Variants in STK24 observed in about 807,000 individuals in gnomAD.
STK24 encodes serine/threonine kinase 24.
In STK24, 21 loss-of-function variants were observed where a neutral mutation model predicts 55.6. The ratio of observed to expected loss-of-function variants is 0.38; its 90% CI spans 0.27 to 0.54. STK24 has a LOEUF of 0.54. Among genes scored for constraint, STK24 ranks in the 20% least tolerant of loss-of-function variants. The pLI, the probability that STK24 is intolerant of heterozygous loss-of-function variation, is 0.79. For missense variants in STK24, 383 were observed against 538.4 expected (o/e 0.71, Z 2.86); for synonymous variants, 200 against 215.2 (o/e 0.93, Z 0.62).
chr13:98,560,294 C>T (rs553886015), intron 1 of STK24, among the ~76,000 whole-genome samples: 4 of 152,298 alleles, frequency 2.6e-5, no homozygotes, highest in East Asian at 1.9e-4. Flanking sequence ...GCACCTTGTA[C>T]GGGATGAAAA....
chr13:98,482,394 T>C (rs1566360320), intron 2 of STK24, 73 bp from the exon 3 acceptor site: 2 of 831,152 alleles, frequency 2.4e-6, no homozygotes, highest in Non-Finnish European at 3.9e-6. Flanking sequence ...AATCAAAGGG[T>C]ATTTTTCACA....
At chr13:98,462,192 C>T (rs538434821) in intron 7 of STK24, among the ~76,000 whole-genome samples, 4 of 152,274 alleles carry the variant, frequency 2.6e-5, no homozygotes, top group Admixed American at 2.6e-4. Context: ...CCTGGGAGCC[C>T]ATCTCTGGGA....
chr13:98,518,094 C>T (rs1896129448), intron 2 of STK24, among the ~76,000 whole-genome samples: 2 of 152,214 alleles, frequency 1.3e-5, no homozygotes, highest in Non-Finnish European at 2.9e-5. Flanking sequence ...TGACACCTGA[C>T]TCCAAAACTC....
At chr13:98,502,523 T>C (rs1895513983) in intron 2 of STK24, among the ~76,000 whole-genome samples, 1 of 152,226 alleles carries the variant, frequency 6.6e-6, no homozygotes, top group African/African-American at 2.4e-5. Context: ...TGGGGCCTTA[T>C]AAGAGGTACT....
chr13:98,541,870 C>A (rs1462509076), intron 1 of STK24, among the ~76,000 whole-genome samples: 1 of 152,196 alleles, frequency 6.6e-6, no homozygotes, highest in African/African-American at 2.4e-5. Context: ...CACATAAATT[C>A]CGGGAAATGT....
chr13:98,470,470 G>A (rs907480666), intron 5 of STK24, among the ~76,000 whole-genome samples: 3 of 152,182 alleles, frequency 2.0e-5, no homozygotes, highest in Non-Finnish European at 4.4e-5. Flanking sequence ...TGGGGAGCAG[G>A]CAGTCATCTT....
intron 2 of STK24, 110 bp downstream of exon 2, chr13:98,519,133 T>C: frequency 1.2e-6 from 1 of 831,288 alleles, no homozygotes; most frequent in Admixed American, 2.2e-5. Flanking sequence ...AAAACATCTC[T>C]CCTTGCTCTG....
At chr13:98,516,418 T>C (rs1438854590) in intron 2 of STK24, among the ~76,000 whole-genome samples, 1 of 152,234 alleles carries the variant, frequency 6.6e-6, no homozygotes, top group African/African-American at 2.4e-5. Context: ...GACCACTCCC[T>C]GAGCTATTCC....
In STK24 at chr13:98,446,562, G is replaced by C; in HGVS notation, c.*6611C>G. The C allele has an allele frequency of 8.1e-7, 1 of 1,230,506 alleles. No homozygotes were observed. The highest frequency in any genetic ancestry group is 1.2e-6 in the Non-Finnish European group (1 of 855,254). The allele number at this position is 1,230,506 out of a possible 1,614,324, so 76.2% of individuals were successfully genotyped here. ...CCTTCCAGGCCCACGCCCGAGGAGG[G>C]AGCTGCCTGGGCTCCCAAGTCCCTG... On this transcript the variant is annotated 3_prime_UTR_variant, in exon 11 of 11. Transcript: ENST00000539966.
intron 1 of STK24, among the ~76,000 whole-genome samples, chr13:98,520,982 C>T (rs1358568506): frequency 6.6e-6 from 1 of 152,220 alleles, no homozygotes; most frequent in African/African-American, 2.4e-5. Context: ...CCAAGGCTTG[C>T]GTGGTGGACA....
intron 2 of STK24, among the ~76,000 whole-genome samples, chr13:98,514,744 G>A (rs1469540915): frequency 6.6e-6 from 1 of 152,068 alleles, no homozygotes; most frequent in Non-Finnish European, 1.5e-5. Flanking sequence ...ATGTTTGAGA[G>A]GAATAAATAA....
chr13:98,478,007 G>A lies in STK24; in HGVS notation c.331-2649C>T, dbSNP rs1894444293. Reference sequence around the variant, plus strand: ...TTATATGCCCATGGGGAACGAGGAGGAAGGGGAGAAAAAGAGATAAAACTC... The same window carrying A: ...TTATATGCCCATGGGGAACGAGGAGAAAGGGGAGAAAAAGAGATAAAACTC... On this transcript the variant is annotated intron_variant, in intron 3 of 10. Coordinates refer to ENST00000539966, the MANE Select transcript of STK24 (RefSeq NM_001032296.4). Among the ~76,000 whole-genome samples the A allele has an allele frequency of 2.6e-5, 4 of 152,168 alleles. No homozygotes were observed. In the South Asian group the frequency reaches 8.3e-4, roughly 32 times the overall value.
intron 6 of STK24, among the ~76,000 whole-genome samples, chr13:98,465,990 T>C (rs1893913782): frequency 6.6e-6 from 1 of 152,212 alleles, no homozygotes; most frequent in Admixed American, 6.5e-5. Context: ...ACCTGGAAAG[T>C]GAAAACATTT....
At chr13:98,534,921 C>G (rs1335393285) in intron 1 of STK24, among the ~76,000 whole-genome samples, 2 of 152,238 alleles carry the variant, frequency 1.3e-5, no homozygotes, top group African/African-American at 4.8e-5. Context: ...GAATTAAACT[C>G]TTTGTCTATT....
chr13:98,513,789 A>G (rs550986471), intron 2 of STK24, among the ~76,000 whole-genome samples: 2 of 152,360 alleles, frequency 1.3e-5, no homozygotes, highest in Admixed American at 1.3e-4. Context: ...GAGCAAAGAC[A>G]TGAATGAGAA....
chr13:98,508,226 C>A (rs1895762589), intron 2 of STK24, among the ~76,000 whole-genome samples: 1 of 151,956 alleles, frequency 6.6e-6, no homozygotes, highest in Non-Finnish European at 1.5e-5. Context: ...ATACAGGATC[C>A]CAAAAGCAGA....
At chr13:98,566,569 A>G (rs1235563484) in intron 1 of STK24, among the ~76,000 whole-genome samples, 1 of 152,200 alleles carries the variant, frequency 6.6e-6, no homozygotes, top group Non-Finnish European at 1.5e-5. Flanking sequence ...AGGGTTCACC[A>G]AGAGGCCTGG....
chr13:98,446,405 ACTTCTGCCCTAGGAAGGGCCACCTGT>A lies in STK24; in HGVS notation c.*6742_*6767del. ...TGACATTATCATCCACTGAAGGACA[ACTTCTGCCCTAGGAAGGGCCACCTGT>A]CTTCTGCCTGGACAAGGGACGGGGG... On this transcript the variant is annotated 3_prime_UTR_variant, in exon 11 of 11. Transcript: ENST00000539966. The A allele has an allele frequency of 1.7e-6, 1 of 600,610 alleles. No homozygotes were observed. Among genetic ancestry groups the A allele is most frequent in the African/African-American group, 1.9e-5 (1 of 53,888 alleles). 37.2% of individuals were successfully genotyped at this position (600,610 alleles called of 1,614,324 possible).
At position 98,478,829 on chromosome 13, in the gene STK24, T is replaced by TAAAAC. The variant is rs369035328; in HGVS notation, c.330+3431_330+3435dup. On this transcript the variant is annotated intron_variant, in intron 3 of 10. Coordinates refer to ENST00000539966, the MANE Select transcript of STK24 (RefSeq NM_001032296.4). Reference sequence around the variant, plus strand: ...AACACTGGCTGATCTTTTAATCAGCTAAAACCTTCTGGTCTCAGGCCCTCT... The same window carrying TAAAAC: ...AACACTGGCTGATCTTTTAATCAGCTAAAACAAAACCTTCTGGTCTCAGGCCCTCT... Among the ~76,000 whole-genome samples the TAAAAC allele has an allele frequency of 1.2e-3, 181 of 152,312 alleles. 1 individual carries two copies. The highest frequency in any genetic ancestry group is 4.1e-3 in the African/African-American group (171 of 41,568).
Sources: allele counts gnomAD v4.1 joint callset (sites outside exome capture counted in the v4.1 genomes callset), GRCh38; gene constraint gnomAD v4.1.1; transcripts MANE v1.5; gene names NCBI Gene and HGNC (gene_info 2026-07-23, HGNC 2026-07-21).